The following BICD2 variants were observed in gnomAD, a reference collection of about 807,000 sequenced individuals.
BICD2 encodes the protein protein bicaudal D homolog 2.
In BICD2, 25 loss-of-function variants were observed where a neutral mutation model predicts 72.9. That is an observed-to-expected ratio of 0.34 (90% CI 0.25 to 0.48). The LOEUF is 0.48. Among genes scored for constraint, BICD2 ranks in the 20% least tolerant of loss-of-function variants. The pLI, the probability that BICD2 is intolerant of heterozygous loss-of-function variation, is 0.99. For synonymous variants in BICD2, 501 were observed against 516.1 expected, an observed-to-expected ratio of 0.97 and a Z score of 0.40; for missense variants, 894 against 1,175.2, an observed-to-expected ratio of 0.76 and a Z score of 3.50.
chr9:92,734,237 C>G (rs1041164575), intron 1 of BICD2, among the ~76,000 whole-genome samples: 4 of 151,898 alleles, frequency 2.6e-5, no homozygotes, highest in Admixed American at 1.3e-4. Flanking sequence ...GGCAGCTGGG[C>G]ACAGTGGCTC....
chr9:92,760,354 C>T (rs891574039), intron 1 of BICD2, among the ~76,000 whole-genome samples: 5 of 152,308 alleles, frequency 3.3e-5, no homozygotes, highest in African/African-American at 7.2e-5. Context: ...GCCAGGTCCA[C>T]GCCTCCACAT....
intron 1 of BICD2, among the ~76,000 whole-genome samples, chr9:92,737,502 C>T (rs1467520972): frequency 6.6e-6 from 1 of 152,090 alleles, no homozygotes; most frequent in Non-Finnish European, 1.5e-5. Flanking sequence ...TGTGGGGCAG[C>T]GCGTGGGAGA....
At chr9:92,739,485 C>T (rs529024240) in intron 1 of BICD2, among the ~76,000 whole-genome samples, 4 of 152,332 alleles carry the variant, frequency 2.6e-5, no homozygotes, top group East Asian at 1.9e-4. Flanking sequence ...GTGAGGAGCC[C>T]GTGAAGGCTC....
chr9:92,763,363 C>A (rs1269712300), intron 1 of BICD2, among the ~76,000 whole-genome samples: 1 of 152,174 alleles, frequency 6.6e-6, no homozygotes, highest in Non-Finnish European at 1.5e-5. Flanking sequence ...AGGACACACT[C>A]AAGTGGGGGA....
At position 92,757,662 on chromosome 9, in the gene BICD2, G is replaced by C. The variant is rs530599638; in HGVS notation, c.240+6843C>G. On this transcript the variant is annotated intron_variant, in intron 1 of 6. Transcript: ENST00000356884. ...GCGGAGCTTGCAGTAAGCCGAGATC[G>C]CGCCATTGTACTCCAGCCTGGGTGA... is the stretch of plus-strand genomic sequence containing the variant. Among the ~76,000 whole-genome samples, 3 of 150,738 alleles carry C rather than the reference G, an allele frequency of 2.0e-5. No homozygotes were observed. The East Asian group carries it at 6.0e-4, about 30-fold the overall frequency.
chr9:92,723,052 T>C (rs1253392337), intron 2 of BICD2, among the ~76,000 whole-genome samples: 2 of 148,856 alleles, frequency 1.3e-5, no homozygotes, highest in Non-Finnish European at 3.0e-5. Context: ...CGTGACTGCC[T>C]GCTCCGACCC....
At chr9:92,741,953 A>G (rs1383554030) in intron 1 of BICD2, among the ~76,000 whole-genome samples, 1 of 152,232 alleles carries the variant, frequency 6.6e-6, no homozygotes, top group Non-Finnish European at 1.5e-5. Context: ...AAAAAAGAGC[A>G]ATTACATTCA....
At chr9:92,724,495 T>G (rs923370239) in intron 2 of BICD2, among the ~76,000 whole-genome samples, 1 of 152,166 alleles carries the variant, frequency 6.6e-6, no homozygotes, top group African/African-American at 2.4e-5. Context: ...GACATGGCCC[T>G]CTCATTATAA....
intron 1 of BICD2, among the ~76,000 whole-genome samples, chr9:92,745,468 C>T (rs768112348): frequency 3.3e-5 from 5 of 152,004 alleles, no homozygotes; most frequent in Non-Finnish European, 7.4e-5. Flanking sequence ...TGTCCTGAGG[C>T]ATCTTCACTG....
Position 92,720,365 on chromosome 9 carries a change from CGAG to C in BICD2, c.994_996del (p.Leu332del), listed in dbSNP as rs772316990. ...TTGAGCTCACTGAGTAGGTCGGAGA[CGAG>C]GCTGGGGGAGGGCGGTGCGAGGCCC... On this transcript the variant is annotated inframe_deletion, in exon 4 of 7. Transcript: ENST00000356884. The surrounding 1 kb of genome is among the most constrained non-coding windows in gnomAD (Gnocchi z 5.4). 6 of 1,613,938 alleles carry C rather than the reference CGAG, an allele frequency of 3.7e-6. No homozygotes were observed. Among genetic ancestry groups the C allele is most frequent in the Non-Finnish European group, 4.2e-6 (5 of 1,180,012 alleles).
At chr9:92,755,231 G>C (rs376910981) in intron 1 of BICD2, among the ~76,000 whole-genome samples, 1 of 152,004 alleles carries the variant, frequency 6.6e-6, no homozygotes, top group Non-Finnish European at 1.5e-5. Context: ...GGAAATTCCC[G>C]CCTAATAAAT....
At chr9:92,723,925 A>T (rs916407846) in intron 2 of BICD2, among the ~76,000 whole-genome samples, 1 of 152,156 alleles carries the variant, frequency 6.6e-6, no homozygotes, top group African/African-American at 2.4e-5. Flanking sequence ...CCTGTACATC[A>T]TATGTCTAGC....
In BICD2 at chr9:92,714,350, A is replaced by T. The variant is rs1023940030; in HGVS notation, c.*804T>A. 1.0e-6 allele frequency: 1 copy of T among 985,524 alleles called. No homozygotes were observed. The highest frequency in any genetic ancestry group is 1.1e-4 in the East Asian group (1 of 8,824). 61.0% of individuals were successfully genotyped at this position (985,524 alleles called of 1,614,324 possible). On this transcript the variant is annotated 3_prime_UTR_variant, in exon 7 of 7. Transcript: ENST00000356884. Reference sequence around the variant, plus strand: ...CCAAGTACAAAAGGACGGGCTCTGCACTAAGGACCAAGGTCTGGCCAGGCA... The same window carrying T: ...CCAAGTACAAAAGGACGGGCTCTGCTCTAAGGACCAAGGTCTGGCCAGGCA...
Position 92,764,468 on chromosome 9 carries a change from C to A in BICD2, c.240+37G>T. The A allele has an allele frequency of 1.4e-6, 2 of 1,456,564 alleles. No homozygotes were observed. The highest frequency in any genetic ancestry group is 9.1e-7 in the Non-Finnish European group (1 of 1,097,230). The allele number at this position is 1,456,564 out of a possible 1,614,324, so 90.2% of individuals were successfully genotyped here. On this transcript the variant is annotated intron_variant, in intron 1 of 6. Transcript: ENST00000356884. The surrounding 1 kb of genome is among the most constrained non-coding windows in gnomAD (Gnocchi z 5.5). ...GGGACGACGCCCACAGGCCCCGGCGCCGGGCGGGGGTCGCAGGGCAGGGCG... is the reference window on the plus strand; with the variant it reads ...GGGACGACGCCCACAGGCCCCGGCGACGGGCGGGGGTCGCAGGGCAGGGCG...
chr9:92,729,150 G>C lies in BICD2; in HGVS notation c.327C>G (p.Ser109=). 6.2e-7 allele frequency: 1 copy of C among 1,614,244 alleles called. No individual in the cohort carries two copies. Among genetic ancestry groups the C allele is most frequent in the Non-Finnish European group, 8.5e-7 (1 of 1,180,052 alleles). Residue 109 remains serine, a synonymous_variant, in exon 2 of 7, where the codon TCC becomes TCG. Coordinates refer to ENST00000356884, the MANE Select transcript of BICD2 (RefSeq NM_001003800.2). ...CCTTCCGCACGTAGTACTGCTCCTT[G>C]GAGGCCGACTCCTGGATCAGGCTCT... ...REESLIQESA[S]KEQYYVRKVL...
rs181035335 is a variant in BICD2 at position 92,716,556 on chromosome 9, C to T, written c.2259-1093G>A. 4.9e-3 allele frequency among the ~76,000 whole-genome samples: 747 copies of T among 152,310 alleles called. 4 individuals are homozygous for T. Among genetic ancestry groups the T allele is most frequent in the African/African-American group, 0.017 (695 of 41,568 alleles). On this transcript the variant is annotated intron_variant, in intron 6 of 6. Transcript: ENST00000356884. ...CATGCAGTTCCCACCCTGTCCAGCT[C>T]AGATCCTCAGCTTGCTCACCCATAA...
intron 1 of BICD2, among the ~76,000 whole-genome samples, chr9:92,746,253 CG>C (rs1381807442): frequency 6.6e-6 from 1 of 152,124 alleles, no homozygotes; most frequent in Non-Finnish European, 1.5e-5. Context: ...AAGCATTGGC[CG>C]GGCATGGTGG....
At chr9:92,743,416 G>C (rs1369033641) in intron 1 of BICD2, among the ~76,000 whole-genome samples, 1 of 132,442 alleles carries the variant, frequency 7.6e-6, no homozygotes, top group East Asian at 2.5e-4. Context: ...TGCTAGTCTT[G>C]AACTCCTGGG....
intron 2 of BICD2, among the ~76,000 whole-genome samples, chr9:92,726,687 TGG>T (rs1328253396): frequency 6.6e-6 from 1 of 151,982 alleles, no homozygotes; most frequent in Admixed American, 6.5e-5. Context: ...GACACAGTCA[TGG>T]GGGACACAGC....
Sources: allele counts gnomAD v4.1 joint callset (sites outside exome capture counted in the v4.1 genomes callset), GRCh38; gene constraint gnomAD v4.1.1; non-coding constraint Gnocchi (gnomAD v3.1); transcripts MANE v1.5; gene names NCBI Gene and HGNC (gene_info 2026-07-23, HGNC 2026-07-21).